SMOC2: variants seen among roughly 807,000 people sequenced by gnomAD.
SMOC2 encodes the protein SPARC related modular calcium binding 2, also known as SPARC-related modular calcium-binding protein 2.
A neutral mutation model predicts 61.4 loss-of-function variants in SMOC2; 39 were observed. That is an observed-to-expected ratio of 0.64 (90% CI 0.49 to 0.83). SMOC2 has a LOEUF of 0.83. SMOC2 is among the 40% of genes least tolerant of loss of function. SMOC2 has a pLI of 0.00. For synonymous variants in SMOC2, 247 were observed against 239.9 expected (o/e 1.03, Z -0.27); for missense variants, 556 against 592.9 (o/e 0.94, Z 0.65).
rs190376095 is a variant in SMOC2 at position 168,544,108 on chromosome 6, G to C, written c.511+436G>C. Among the ~76,000 whole-genome samples the C allele has an allele frequency of 3.9e-5, 6 of 152,254 alleles. No individual in the cohort carries two copies. Among genetic ancestry groups the C allele is most frequent in the African/African-American group, 1.4e-4 (6 of 41,554 alleles). On this transcript the variant is annotated intron_variant, in intron 5 of 12. Transcript: ENST00000356284. The surrounding 1 kb of genome is among the most constrained non-coding windows in gnomAD (Gnocchi z 4.1). ...ACAGCAATCCCTGCCTCTGAGACTG[G>C]TACAAACAAGAGCTGAACAGAACCC...
chr6:168,567,242 TA>T (rs1290890618), intron 7 of SMOC2, among the ~76,000 whole-genome samples: 1 of 152,252 alleles, frequency 6.6e-6, no homozygotes, highest in Non-Finnish European at 1.5e-5. Context: ...AGAGAGATTT[TA>T]TTGGCTCAAT....
chr6:168,662,702 G>A (rs1371695109), intron 11 of SMOC2, among the ~76,000 whole-genome samples: 1 of 152,216 alleles, frequency 6.6e-6, no homozygotes, highest in Non-Finnish European at 1.5e-5. Context: ...GTGGTGAGGT[G>A]TCTGCTCGGG....
chr6:168,451,899 C>CT lies in SMOC2; in HGVS notation c.84+10446dup, dbSNP rs531678684. ...GTACTCTTGGCATCTCTCCCACCAC[C>CT]TACACCCTGCTGGAAACATCCAGGT... On this transcript the variant is annotated intron_variant, in intron 1 of 12. Transcript: ENST00000356284. Among the ~76,000 whole-genome samples, 48 of 152,348 alleles carry CT rather than the reference C, an allele frequency of 3.2e-4. 1 individual carries two copies. The East Asian group carries it at 4.1e-3, about 13-fold the overall frequency.
intron 7 of SMOC2, among the ~76,000 whole-genome samples, chr6:168,592,304 C>CCTT (rs1785201634): frequency 8.9e-6 from 1 of 112,080 alleles, no homozygotes; most frequent in Non-Finnish European, 2.0e-5. Flanking sequence ...TCCTCCTCCT[C>CCTT]CCTGAGGCCT....
intron 9 of SMOC2, among the ~76,000 whole-genome samples, chr6:168,616,893 G>A (rs921978378): frequency 1.1e-4 from 16 of 152,160 alleles, no homozygotes; most frequent in Non-Finnish European, 1.9e-4. Flanking sequence ...CTGCACTGCG[G>A]GGGGGTTGCA....
intron 7 of SMOC2, among the ~76,000 whole-genome samples, chr6:168,570,987 TGTCTG>T (rs1562354946): frequency 1.3e-5 from 2 of 152,212 alleles, no homozygotes; most frequent in Non-Finnish European, 2.9e-5. Flanking sequence ...GGAGCGTAGC[TGTCTG>T]AGCAGTGCAG....
At chr6:168,468,680 G>A (rs934724751) in intron 1 of SMOC2, among the ~76,000 whole-genome samples, 5 of 152,062 alleles carry the variant, frequency 3.3e-5, no homozygotes, top group South Asian at 2.1e-4. Flanking sequence ...GATTACAGGT[G>A]TTTGCCACCA....
At chr6:168,644,497 G>C in intron 9 of SMOC2, among the ~76,000 whole-genome samples, 1 of 152,066 alleles carries the variant, frequency 6.6e-6, no homozygotes, top group South Asian at 2.1e-4. Context: ...CCCCTTATTT[G>C]GTGTGCACAC....
chr6:168,467,070 C>T (rs910065353), intron 1 of SMOC2, among the ~76,000 whole-genome samples: 13 of 151,812 alleles, frequency 8.6e-5, no homozygotes, highest in Admixed American at 3.9e-4. Flanking sequence ...CTCCACGTTT[C>T]GGGAGCTGCA....
At chr6:168,599,581 A>ACACACACCCACACACACATACCCC (rs138811685) in intron 8 of SMOC2, among the ~76,000 whole-genome samples, 28,101 of 31,486 alleles carry the variant, frequency 0.89, 12,542 homozygotes, top group Non-Finnish European at 0.92. Flanking sequence ...CACTCATACC[A>ACACACACCCACACACACATACCCC]CACACACCCA....
chr6:168,602,373 G>A (rs1785574120), intron 8 of SMOC2, among the ~76,000 whole-genome samples: 2 of 152,166 alleles, frequency 1.3e-5, no homozygotes, highest in Admixed American at 6.5e-5. Flanking sequence ...GGTGTGCTTT[G>A]CGGCTTGTTC....
chr6:168,525,031 C>T (rs1783421803), intron 2 of SMOC2, among the ~76,000 whole-genome samples: 1 of 152,280 alleles, frequency 6.6e-6, no homozygotes, highest in Non-Finnish European at 1.5e-5. Flanking sequence ...AAGTGAACAA[C>T]ATTTGAAGAA....
intron 9 of SMOC2, among the ~76,000 whole-genome samples, chr6:168,650,114 G>A (rs934770692): frequency 6.6e-6 from 1 of 152,166 alleles, no homozygotes; most frequent in Non-Finnish European, 1.5e-5. Context: ...GTCCGCGCTG[G>A]GCTCCAAAGC....
At chr6:168,656,521 A>AG (rs1231427149) in intron 11 of SMOC2, among the ~76,000 whole-genome samples, 5 of 144,420 alleles carry the variant, frequency 3.5e-5, no homozygotes, top group African/African-American at 1.3e-4. Context: ...AAAAAAAAAA[A>AG]AAAAAAAAAG....
At chr6:168,456,042 C>T (rs1421262623) in intron 1 of SMOC2, among the ~76,000 whole-genome samples, 23 of 152,224 alleles carry the variant, frequency 1.5e-4, no homozygotes, top group Admixed American at 1.5e-3. Context: ...CGCCTCATAC[C>T]AGGGCCACCC....
chr6:168,556,251 C>A (rs909712372), intron 7 of SMOC2, among the ~76,000 whole-genome samples: 4 of 152,228 alleles, frequency 2.6e-5, no homozygotes, highest in Non-Finnish European at 5.9e-5. Context: ...CCACAGGACT[C>A]TCCCCACGCC....
chr6:168,538,496 G>A (rs1358352339), intron 4 of SMOC2, among the ~76,000 whole-genome samples: 17 of 76,044 alleles, frequency 2.2e-4, no homozygotes, highest in Admixed American at 1.6e-3. Flanking sequence ...CTGCTGGAAT[G>A]TGGGGGAGTG....
At chr6:168,610,679 C>T (rs1025185789) in intron 9 of SMOC2, among the ~76,000 whole-genome samples, 1 of 152,186 alleles carries the variant, frequency 6.6e-6, no homozygotes, top group Non-Finnish European at 1.5e-5. Context: ...GTTGATTTGT[C>T]ACCAAATACT....
intron 1 of SMOC2, among the ~76,000 whole-genome samples, chr6:168,487,787 G>A (rs1244451685): frequency 6.6e-6 from 1 of 152,306 alleles, no homozygotes; most frequent in East Asian, 1.9e-4. Flanking sequence ...ACAGGCATGA[G>A]CCACTGTGCC....
Sources: allele counts gnomAD v4.1 joint callset (sites outside exome capture counted in the v4.1 genomes callset), GRCh38; gene constraint gnomAD v4.1.1; non-coding constraint Gnocchi (gnomAD v3.1); transcripts MANE v1.5; gene names NCBI Gene and HGNC (gene_info 2026-07-23, HGNC 2026-07-21).